Variants in EIF4G3 observed in about 807,000 individuals in gnomAD.
The protein encoded by EIF4G3 is eukaryotic translation initiation factor 4 gamma 3, also known as eIF-4-gamma 3.
Under a neutral mutation model 186.4 loss-of-function variants are expected in EIF4G3, and 34 were observed. The observed-to-expected ratio is 0.18, with a 90% CI of 0.14 to 0.24. The LOEUF is 0.24. Among genes scored for constraint, EIF4G3 ranks in the 10% least tolerant of loss-of-function variants. EIF4G3 has a pLI of 1.00. For missense variants in EIF4G3, 1,536 were observed against 1,948.5 expected (o/e 0.79, Z 3.99); for synonymous variants, 673 against 679.5 (o/e 0.99, Z 0.15).
chr1:20,990,292 C>T (rs1414593829), intron 7 of EIF4G3, among the ~76,000 whole-genome samples: 1 of 152,204 alleles, frequency 6.6e-6, no homozygotes, highest in Non-Finnish European at 1.5e-5. Flanking sequence ...GATCAGTCAG[C>T]ACCCATCTAC....
chr1:21,039,914 A>G (rs909583911), intron 4 of EIF4G3, among the ~76,000 whole-genome samples: 1 of 152,208 alleles, frequency 6.6e-6, no homozygotes, highest in Non-Finnish European at 1.5e-5. Context: ...AGATGTTCTA[A>G]ATCAATAATC....
intron 2 of EIF4G3, among the ~76,000 whole-genome samples, chr1:21,166,451 G>A (rs887816016): frequency 2.0e-5 from 3 of 152,020 alleles, no homozygotes; most frequent in East Asian, 1.9e-4. Flanking sequence ...TAAGCTGGGC[G>A]CAGTGGCTCA....
At chr1:20,933,793 A>C (rs1467138619) in intron 14 of EIF4G3, among the ~76,000 whole-genome samples, 1 of 152,200 alleles carries the variant, frequency 6.6e-6, no homozygotes, top group Non-Finnish European at 1.5e-5. Context: ...ACCTGAGATG[A>C]AAGAATAGGT....
chr1:20,857,381 G>A, intron 25 of EIF4G3, 22 bp downstream of exon 25: 4 of 1,579,800 alleles, frequency 2.5e-6, no homozygotes, highest in Non-Finnish European at 3.5e-6. Flanking sequence ...AGCGTAAATT[G>A]TACTTTAAAT....
chr1:20,961,109 G>T (rs970693172), intron 12 of EIF4G3, among the ~76,000 whole-genome samples: 17 of 152,172 alleles, frequency 1.1e-4, no homozygotes, highest in African/African-American at 3.4e-4. Context: ...TATTGGCCAG[G>T]TGTGGTGGCT....
intron 16 of EIF4G3, 97 bp downstream of exon 16, chr1:20,899,600 T>A (rs2089620285): frequency 1.4e-6 from 2 of 1,434,064 alleles, no homozygotes; most frequent in African/African-American, 1.4e-5. Context: ...GATAAACCTC[T>A]TTCTTCCATC....
intron 3 of EIF4G3, among the ~76,000 whole-genome samples, chr1:21,053,024 G>A (rs1238838185): frequency 1.2e-3 from 187 of 151,744 alleles, no homozygotes; most frequent in African/African-American, 4.1e-3. Flanking sequence ...AGTGAGGAGC[G>A]TCTCTGCCTG....
At chr1:20,912,545 G>C (rs1253616982) in intron 14 of EIF4G3, among the ~76,000 whole-genome samples, 3 of 152,140 alleles carry the variant, frequency 2.0e-5, no homozygotes, top group Non-Finnish European at 4.4e-5. Context: ...ACACAAAACT[G>C]AGACTGCGAA....
chr1:21,150,691 A>C (rs1179964325), intron 2 of EIF4G3, among the ~76,000 whole-genome samples: 1 of 152,190 alleles, frequency 6.6e-6, no homozygotes, highest in Non-Finnish European at 1.5e-5. Context: ...TTATAAAAAT[A>C]ACTGGCCGGG....
intron 3 of EIF4G3, among the ~76,000 whole-genome samples, chr1:21,054,893 A>G (rs979181807): frequency 2.0e-5 from 3 of 152,224 alleles, no homozygotes; most frequent in Non-Finnish European, 4.4e-5. Flanking sequence ...AAATGATGCT[A>G]CCATATGACC....
rs763079690 is a variant in EIF4G3, at chr1:20,932,681, G to A, written c.1663+8810C>T. Among the ~76,000 whole-genome samples, 3 of 152,016 alleles carry A rather than the reference G, an allele frequency of 2.0e-5. No individual in the cohort carries two copies. The East Asian group carries it at 5.8e-4, about 29-fold the overall frequency. ...AGCAGTCAGAACATACATATTTCTC[G>A]ATCAAGTTGGCCGTCTTACATGGTT... On this transcript the variant is annotated intron_variant, in intron 14 of 36. Coordinates refer to ENST00000602326, the MANE Select transcript of EIF4G3 (RefSeq NM_001391906.1).
intron 13 of EIF4G3, among the ~76,000 whole-genome samples, chr1:20,948,479 T>C (rs990676508): frequency 3.9e-5 from 6 of 152,112 alleles, no homozygotes. Flanking sequence ...ACAAATACAG[T>C]ATAGGACCTG....
intron 12 of EIF4G3, among the ~76,000 whole-genome samples, chr1:20,965,488 T>C (rs2074425260): frequency 6.6e-6 from 1 of 152,322 alleles, no homozygotes; most frequent in South Asian, 2.1e-4. Flanking sequence ...TATATGGTCA[T>C]CCTTTTTAGA....
intron 36 of EIF4G3, among the ~76,000 whole-genome samples, chr1:20,809,956 TACAA>T (rs1234609323): frequency 6.6e-6 from 1 of 152,102 alleles, no homozygotes; most frequent in East Asian, 1.9e-4. Context: ...GATATTTTCA[TACAA>T]ACATATAACA....
chr1:20,837,332 A>G (rs1388156392), intron 30 of EIF4G3, among the ~76,000 whole-genome samples: 2 of 152,064 alleles, frequency 1.3e-5, no homozygotes, highest in African/African-American at 2.4e-5. Context: ...CAGCCTCCCG[A>G]GCAGCTGGGA....
intron 14 of EIF4G3, among the ~76,000 whole-genome samples, chr1:20,930,727 G>T (rs1446531081): frequency 6.6e-6 from 1 of 152,098 alleles, no homozygotes; most frequent in Non-Finnish European, 1.5e-5. Flanking sequence ...TAGTTATTTT[G>T]CTATTTCCAT....
chr1:20,901,822 A>C (rs1038002284), intron 15 of EIF4G3, among the ~76,000 whole-genome samples: 1 of 152,226 alleles, frequency 6.6e-6, no homozygotes, highest in Non-Finnish European at 1.5e-5. Context: ...AAACAGATTT[A>C]AGAAAGAGAT....
intron 35 of EIF4G3, among the ~76,000 whole-genome samples, chr1:20,811,989 T>C (rs2059338597): frequency 6.6e-6 from 1 of 152,204 alleles, no homozygotes; most frequent in African/African-American, 2.4e-5. Flanking sequence ...GCAGATAACA[T>C]ACCTAATCTA....
intron 4 of EIF4G3, among the ~76,000 whole-genome samples, chr1:21,045,682 C>T (rs1237129148): frequency 1.3e-5 from 2 of 151,956 alleles, no homozygotes; most frequent in African/African-American, 4.8e-5. Flanking sequence ...ATTGCTACTT[C>T]GTGAAAATTA....
Sources: allele counts gnomAD v4.1 joint callset (sites outside exome capture counted in the v4.1 genomes callset), GRCh38; gene constraint gnomAD v4.1.1; transcripts MANE v1.5; gene names NCBI Gene and HGNC (gene_info 2026-07-23, HGNC 2026-07-21).